Variants in ZNF805 observed in about 807,000 individuals in gnomAD.
The protein encoded by ZNF805 is CTC-444N24.8.
Under a neutral mutation model 13.6 loss-of-function variants are expected in ZNF805, and 7 were observed. That is an observed-to-expected ratio of 0.51 (90% CI 0.29 to 0.97). The LOEUF (loss-of-function observed/expected upper bound fraction) is 0.97, where lower values mean the gene tolerates loss of function less well. ZNF805 is among the 50% of genes least tolerant of loss of function. The probability of loss-of-function intolerance (pLI) is 0.08; values close to 1 mark genes in which losing one functional copy is unlikely to be tolerated. For synonymous variants in ZNF805, 293 were observed against 279.8 expected, an observed-to-expected ratio of 1.05 and a Z score of -0.47; for missense variants, 604 against 771.0, an observed-to-expected ratio of 0.78 and a Z score of 2.57.
Position 57,240,768 on chromosome 19 carries a change from G to C in ZNF805, c.-124G>C, listed in dbSNP as rs1378276602. 4.5e-6 allele frequency: 4 copies of C among 880,038 alleles called. No homozygotes were observed. The highest frequency in any genetic ancestry group is 6.8e-6 in the Non-Finnish European group (4 of 590,792). The allele number at this position is 880,038 out of a possible 1,614,324, so 54.5% of individuals were successfully genotyped here. A position where few individuals can be genotyped will look rare whatever the true frequency, so the allele number is the denominator to read the frequency against. Reference sequence around the variant, plus strand: ...CGAACCGTGAGCCTCCCCGTAACGAGAGAGTTTGACTGTCAGCCAAGGTCA... The same window carrying C: ...CGAACCGTGAGCCTCCCCGTAACGACAGAGTTTGACTGTCAGCCAAGGTCA... On this transcript the variant is annotated 5_prime_UTR_variant, in exon 1 of 4. Coordinates refer to ENST00000414468, the MANE Select transcript of ZNF805 (RefSeq NM_001023563.4).
rs1327453234 is a variant in ZNF805, at chr19:57,259,717, A to AGGATGGTCTCGATTTCCT, written c.*5016_*5033dup. ...GAGACGGGGTTTCACTGTGTTAGCC[A>AGGATGGTCTCGATTTCCT]GGATGGTCTCGATTTCCTGATCTGG... On this transcript the variant is annotated 3_prime_UTR_variant, in exon 4 of 4. Transcript: ENST00000414468. 2.6e-5 allele frequency among the ~76,000 whole-genome samples: 4 copies of AGGATGGTCTCGATTTCCT among 152,182 alleles called. No homozygotes were observed. Among genetic ancestry groups the AGGATGGTCTCGATTTCCT allele is most frequent in the Non-Finnish European group, 5.9e-5 (4 of 68,036 alleles).
intron 2 of ZNF805, among the ~76,000 whole-genome samples, chr19:57,245,640 G>A (rs534899265): frequency 1.2e-3 from 186 of 149,704 alleles, no homozygotes; most frequent in Admixed American, 3.0e-3. Flanking sequence ...TTAGCCGGGC[G>A]TGGTGGCGGG....
chr19:57,240,797 G>A lies in ZNF805; in HGVS notation c.-95G>A, dbSNP rs1599982660. Reference sequence around the variant, plus strand: ...GTTTGACTGTCAGCCAAGGTCACCGGGCCCGGCGCAGGGAAGGGGTGGGGC... The same window carrying A: ...GTTTGACTGTCAGCCAAGGTCACCGAGCCCGGCGCAGGGAAGGGGTGGGGC... On this transcript the variant is annotated 5_prime_UTR_variant, in exon 1 of 4. Coordinates refer to ENST00000414468, the MANE Select transcript of ZNF805 (RefSeq NM_001023563.4). 7.2e-6 allele frequency: 9 copies of A among 1,246,390 alleles called. No individual in the cohort carries two copies. Among genetic ancestry groups the A allele is most frequent in the Non-Finnish European group, 9.9e-6 (9 of 906,442 alleles). The allele number at this position is 1,246,390 out of a possible 1,614,324, so 77.2% of individuals were successfully genotyped here.
At chr19:57,245,521 T>C (rs1262355211) in intron 2 of ZNF805, among the ~76,000 whole-genome samples, 1 of 152,002 alleles carries the variant, frequency 6.6e-6, no homozygotes, top group Non-Finnish European at 1.5e-5. Flanking sequence ...AGCTCATGCC[T>C]GTAATCCCAG....
rs1353597160 is a variant in ZNF805 at position 57,255,874 on chromosome 19, A to G, written c.*1171A>G. Among the ~76,000 whole-genome samples, 1 of 152,086 alleles carries G rather than the reference A, an allele frequency of 6.6e-6. No homozygotes were observed. The highest frequency in any genetic ancestry group is 1.5e-5 in the Non-Finnish European group (1 of 67,946). Reference sequence around the variant, plus strand: ...GGTAGGATTTCCAGTGTGATGTTGAATACGAATAGTGACAAGTTATCCATG... The same window carrying G: ...GGTAGGATTTCCAGTGTGATGTTGAGTACGAATAGTGACAAGTTATCCATG... On this transcript the variant is annotated 3_prime_UTR_variant, in exon 4 of 4. Transcript: ENST00000414468.
At position 57,253,735 on chromosome 19, in the gene ZNF805, A is replaced by C. The variant is rs554816662; in HGVS notation, c.916A>C (p.Asn306His). The C allele has an allele frequency of 2.0e-4, 324 of 1,613,888 alleles. No individual in the cohort carries two copies. Among genetic ancestry groups the C allele is most frequent in the African/African-American group, 1.1e-3 (82 of 74,928 alleles). The change falls in exon 4 of 4, where the codon AAC becomes CAC. Residue 306 changes from asparagine (N) to histidine (H), a missense_variant. Around this residue, in one of 3 missense-constraint regions of ZNF805, gnomAD observed 327 missense variants for 378.2 expected, o/e 0.86. Coordinates refer to ENST00000414468, the MANE Select transcript of ZNF805 (RefSeq NM_001023563.4). The surrounding 1 kb of genome is among the most constrained non-coding windows in gnomAD (Gnocchi z 4.4). ...CCACCGCTCCACTTTTGTCTTGCATAACAGGAGCCACACTGGAGAAAAACC... is the reference window on the plus strand; with the variant it reads ...CCACCGCTCCACTTTTGTCTTGCATCACAGGAGCCACACTGGAGAAAAACC... ...FTHRSTFVLH[N>H]RSHTGEKPFV...
rs1263158457 is a variant in ZNF805, at chr19:57,259,253, ACT to A, written c.*4553_*4554del. On this transcript the variant is annotated 3_prime_UTR_variant, in exon 4 of 4. Transcript: ENST00000414468. ...TTTCTTGAAATATTTTTTCATCCCT[ACT>A]CTTTCTCCTCTCTGTGATATGAATG... Among the ~76,000 whole-genome samples, 1 of 148,078 alleles carries A rather than the reference ACT, an allele frequency of 6.8e-6. No homozygotes were observed. Among genetic ancestry groups the A allele is most frequent in the Non-Finnish European group, 1.5e-5 (1 of 66,432 alleles).
rs2087680945 is a variant in ZNF805, at chr19:57,255,263, A to G, written c.*560A>G. The G allele has an allele frequency of 6.0e-6, 1 of 166,982 alleles. No individual in the cohort carries two copies. 10.3% of individuals were successfully genotyped at this position (166,982 alleles called of 1,614,324 possible). A position where few individuals can be genotyped will look rare whatever the true frequency, so the allele number is the denominator to read the frequency against. On this transcript the variant is annotated 3_prime_UTR_variant, in exon 4 of 4. Coordinates refer to ENST00000414468, the MANE Select transcript of ZNF805 (RefSeq NM_001023563.4). ...CCATCTGTTGGTTTACTTGATTGCT[A>G]TAGCTGTATGGTAAATCTCAAAATT...
rs1459790164 is a variant in ZNF805, at chr19:57,256,035, TTAA to T, written c.*1336_*1338del. ...TTTGCTGGGATTTTTTTGGTTATTATTAATAAGTGTTGAATTTTGTCATATGCT... is the reference window on the plus strand; with the variant it reads ...TTTGCTGGGATTTTTTTGGTTATTATTAAGTGTTGAATTTTGTCATATGCT... On this transcript the variant is annotated 3_prime_UTR_variant, in exon 4 of 4. Coordinates refer to ENST00000414468, the MANE Select transcript of ZNF805 (RefSeq NM_001023563.4). Among the ~76,000 whole-genome samples, 1 of 152,148 alleles carries T rather than the reference TTAA, an allele frequency of 6.6e-6. No homozygotes were observed. Among genetic ancestry groups the T allele is most frequent in the Non-Finnish European group, 1.5e-5 (1 of 67,984 alleles).
intron 2 of ZNF805, among the ~76,000 whole-genome samples, chr19:57,245,585 C>G (rs542861849): frequency 6.7e-6 from 1 of 149,228 alleles, no homozygotes; most frequent in Non-Finnish European, 1.5e-5. Flanking sequence ...AGAGACCATC[C>G]TGGCTAACAC....
intron 2 of ZNF805, 65 bp downstream of exon 2, chr19:57,244,114 A>G (rs1450956121): frequency 1.9e-6 from 3 of 1,559,270 alleles, no homozygotes; most frequent in Non-Finnish European, 2.6e-6. Context: ...CTCTGACTCC[A>G]GGCCTGATGG....
chr19:57,253,243 G>C lies in ZNF805; in HGVS notation c.424G>C (p.Gly142Arg), dbSNP rs1223629740. The C allele has an allele frequency of 6.4e-7, 1 of 1,557,482 alleles. No homozygotes were observed. The change falls in exon 4 of 4, where the codon GGG (glycine) becomes CGG (arginine). Residue 142 changes from glycine to arginine, a missense_variant. This residue lies in a region of ZNF805 where 327 missense variants were observed against 378.2 expected (regional missense o/e 0.86). Coordinates refer to ENST00000414468, the MANE Select transcript of ZNF805 (RefSeq NM_001023563.4). This position sits in a 1 kb window ranked among gnomAD's most constrained non-coding sequence, Gnocchi z 4.4. Reference protein sequence around the residue: ...SEMQGERLRPGLDSQKEKLPG... With the variant: ...SEMQGERLRPRLDSQKEKLPG... ...AATGCAGGGAGAACGCTTGAGACCAGGGTTAGATTCCCAAAAGGAGAAGCT... is the reference window on the plus strand; with the variant it reads ...AATGCAGGGAGAACGCTTGAGACCACGGTTAGATTCCCAAAAGGAGAAGCT...
At position 57,240,683 on chromosome 19, in the gene ZNF805, C is replaced by T. The variant is rs896400454; in HGVS notation, c.-209C>T. On this transcript the variant is annotated 5_prime_UTR_variant, in exon 1 of 4. Transcript: ENST00000414468. ...GGGGGCGGTGTTCCGTGGCCGCCTC[C>T]CTGGCGGCGCTGGGGAAATGAGCAG... is the stretch of plus-strand genomic sequence containing the variant. 4 of 524,946 alleles carry T rather than the reference C, an allele frequency of 7.6e-6. No individual in the cohort carries two copies. The highest frequency in any genetic ancestry group is 1.0e-5 in the Non-Finnish European group (3 of 295,862). 32.5% of individuals were successfully genotyped at this position (524,946 alleles called of 1,614,324 possible).
Position 57,259,354 on chromosome 19 carries a change from CT to C in ZNF805, c.*4658del, listed in dbSNP as rs2087709571. On this transcript the variant is annotated 3_prime_UTR_variant, in exon 4 of 4. Transcript: ENST00000414468. ...CCCCCTTTTTCTGGTCTATTTTTCC[CT>C]TTTTTTCATATTGGTTAATTTCTGT... 6.6e-6 allele frequency among the ~76,000 whole-genome samples: 1 copy of C among 151,612 alleles called. No homozygotes were observed. Among genetic ancestry groups the C allele is most frequent in the Non-Finnish European group, 1.5e-5 (1 of 67,906 alleles).
At position 57,254,376 on chromosome 19, in the gene ZNF805, A is replaced by G. The variant is rs368619700; in HGVS notation, c.1557A>G (p.Thr519=). ...KPYECIECGK[T]FCWSTNLIRH... is the part of the protein sequence containing the mutation. ...ATGAATGCATCGAGTGTGGGAAAACATTTTGCTGGAGCACAAACCTCATTC... is the reference window on the plus strand; with the variant it reads ...ATGAATGCATCGAGTGTGGGAAAACGTTTTGCTGGAGCACAAACCTCATTC... Residue 519 remains threonine, a synonymous_variant, in exon 4 of 4, where the codon ACA becomes ACG. Coordinates refer to ENST00000414468, the MANE Select transcript of ZNF805 (RefSeq NM_001023563.4). 5.6e-6 allele frequency: 9 copies of G among 1,612,606 alleles called. No homozygotes were observed. The African/African-American group carries it at 8.1e-5, about 14-fold the overall frequency.
chr19:57,245,039 G>A (rs1176151664), intron 2 of ZNF805, among the ~76,000 whole-genome samples: 2 of 152,154 alleles, frequency 1.3e-5, no homozygotes, highest in Non-Finnish European at 2.9e-5. Flanking sequence ...TGGTGTAAGG[G>A]TTGGTGGGAT....
In ZNF805 at chr19:57,244,017, T is replaced by C; in HGVS notation, c.125T>C (p.Met42Thr). The change falls in exon 2 of 4, where the codon ATG becomes ACG. Residue 42 changes from methionine (M) to threonine (T), a missense_variant. Met to Thr is a moderately conservative substitution (Grantham distance 81, BLOSUM62 -1). Transcript: ENST00000414468. The part of the protein sequence containing the change: ...LAQRTLYQEV[M>T]LENCGLLVSL... Reference sequence around the variant, plus strand: ...CAGCGGACCCTGTACCAGGAGGTGATGCTGGAAAACTGTGGGCTCCTGGTA... The same window carrying C: ...CAGCGGACCCTGTACCAGGAGGTGACGCTGGAAAACTGTGGGCTCCTGGTA... The C allele has an allele frequency of 1.2e-6, 2 of 1,613,992 alleles. No homozygotes were observed. The highest frequency in any genetic ancestry group is 1.7e-6 in the Non-Finnish European group (2 of 1,179,972).
In ZNF805 at chr19:57,258,223, A is replaced by G. The variant is rs1211524171; in HGVS notation, c.*3520A>G. Among the ~76,000 whole-genome samples, 2 of 149,116 alleles carry G rather than the reference A, an allele frequency of 1.3e-5. No homozygotes were observed. The highest frequency in any genetic ancestry group is 2.5e-5 in the African/African-American group (1 of 40,482). ...TCATCATGTTGGTCAGGCTGGTCTC[A>G]AACTCCTGACCTCAGGTGATCTGCC... On this transcript the variant is annotated 3_prime_UTR_variant, in exon 4 of 4. Transcript: ENST00000414468.
Position 57,260,517 on chromosome 19 carries a change from A to G in ZNF805, c.*5814A>G, listed in dbSNP as rs1005377667. On this transcript the variant is annotated 3_prime_UTR_variant, in exon 4 of 4. Transcript: ENST00000414468. ...TCTTTTTGGACCTCCATACTGCTAAATCTCTGACTTGAAGGTCCTTTCCTG... is the reference window on the plus strand; with the variant it reads ...TCTTTTTGGACCTCCATACTGCTAAGTCTCTGACTTGAAGGTCCTTTCCTG... 1.3e-5 allele frequency among the ~76,000 whole-genome samples: 2 copies of G among 152,118 alleles called. No homozygotes were observed. Among genetic ancestry groups the G allele is most frequent in the Non-Finnish European group, 2.9e-5 (2 of 68,030 alleles).
Sources: allele counts gnomAD v4.1 joint callset (sites outside exome capture counted in the v4.1 genomes callset), GRCh38; gene constraint gnomAD v4.1.1; regional missense constraint gnomAD v4.1.1; non-coding constraint Gnocchi (gnomAD v3.1); transcripts MANE v1.5; gene names NCBI Gene and HGNC (gene_info 2026-07-23, HGNC 2026-07-21).